Variants in ZAN observed in about 807,000 individuals in gnomAD.
The protein encoded by ZAN is zonadhesin (gene/pseudogene).
Under a neutral mutation model 286.2 loss-of-function variants are expected in ZAN, and 260 were observed. That is an observed-to-expected ratio of 0.91 (90% CI 0.82 to 1.01). The LOEUF is 1.01. Among genes scored for constraint, ZAN ranks in the 50% least tolerant of loss-of-function variants. ZAN has a pLI of 0.00. For synonymous variants in ZAN, 1,368 were observed against 1,417.5 expected (o/e 0.97, Z 0.79); for missense variants, 3,410 against 3,639.2 (o/e 0.94, Z 1.62).
Position 100,736,724 on chromosome 7 carries a change from G to A in ZAN, c.254-85G>A. On this transcript the variant is annotated intron_variant, in intron 4 of 47. Coordinates refer to ENST00000613979, the MANE Select transcript of ZAN (RefSeq NM_003386.3). ...GAGAGAAGGGAGGCAGCCAGACCTG[G>A]ATGCCTGGGCTCTGAGAAGGGGATG... is the stretch of plus-strand genomic sequence containing the variant. 5.4e-6 allele frequency: 8 copies of A among 1,470,474 alleles called. 2 individuals are homozygous for A. Among genetic ancestry groups the A allele is most frequent in the Non-Finnish European group, 7.4e-6 (8 of 1,081,872 alleles). 91.1% of individuals were successfully genotyped at this position (1,470,474 alleles called of 1,614,324 possible). A position where few individuals can be genotyped will look rare whatever the true frequency, so the allele number is the denominator to read the frequency against.
At position 100,765,483 on chromosome 7, in the gene ZAN, G is replaced by A. The variant is rs762234411; in HGVS notation, c.4399G>A (p.Val1467Ile). Reference protein sequence around the residue: ...VEACECNPGFVLSGLECIPRS... With the variant: ...VEACECNPGFILSGLECIPRS... The stretch of plus-strand genomic sequence containing the variant: ...GGCCTGTGAATGCAATCCGGGCTTC[G>A]TCCTCAGTGGCCTCGAGTGCATACC... The change falls in exon 23 of 48, where the codon GTC becomes ATC. Residue 1467 changes from valine to isoleucine, a missense_variant. Val to Ile is a conservative substitution (Grantham distance 29). Coordinates refer to ENST00000613979, the MANE Select transcript of ZAN (RefSeq NM_003386.3). 182 of 1,612,818 alleles carry A rather than the reference G, an allele frequency of 1.1e-4. No homozygotes were observed. Among genetic ancestry groups the A allele is most frequent in the Non-Finnish European group, 1.3e-4 (152 of 1,179,510 alleles).
Position 100,794,178 on chromosome 7 carries a change from G to A in ZAN, c.8045G>A (p.Arg2682Gln), listed in dbSNP as rs536353254. The change falls in exon 44 of 48, where the codon CGG becomes CAG. Residue 2682 changes from arginine (R) to glutamine (Q), a missense_variant. Around this residue, in one of 7 missense-constraint regions of ZAN, gnomAD observed 1,289 missense variants for 1,314.3 expected, o/e 0.98. Coordinates refer to ENST00000613979, the MANE Select transcript of ZAN (RefSeq NM_003386.3). ...CSQRCTCASS[R>Q]ILLCEPFSCR... ...CAGCGGTGCACCTGTGCCAGCTCAC[G>A]GATCCTGCTGTGTGAGCCCTTCAGC... 7.0e-5 allele frequency: 113 copies of A among 1,613,884 alleles called. No individual in the cohort carries two copies. Among genetic ancestry groups the A allele is most frequent in the Admixed American group, 5.5e-4 (33 of 59,998 alleles).
At chr7:100,766,816 G>A in intron 24 of ZAN, 150 bp downstream of exon 24, 1 of 1,420,878 alleles carries the variant, frequency 7.0e-7, no homozygotes, top group Non-Finnish European at 9.4e-7. Flanking sequence ...GGGACCCAAA[G>A]GGTGAGGTTG....
chr7:100,755,598 G>T (rs1013612282), intron 15 of ZAN, among the ~76,000 whole-genome samples, 188 bp downstream of exon 15: 4 of 152,124 alleles, frequency 2.6e-5, no homozygotes, highest in African/African-American at 9.7e-5. Context: ...TTGAGACAGG[G>T]TCTCGCTTTG....
At chr7:100,770,184 G>A (rs888210788) in intron 28 of ZAN, among the ~76,000 whole-genome samples, 1 of 151,902 alleles carries the variant, frequency 6.6e-6, no homozygotes, top group Non-Finnish European at 1.5e-5. Flanking sequence ...GATAAATCCG[G>A]GATTTCTTTT....
At chr7:100,769,294 G>A (rs314294) in intron 27 of ZAN, among the ~76,000 whole-genome samples, 9,709 of 151,174 alleles carry the variant, frequency 0.064, 429 homozygotes, top group Non-Finnish European at 0.098. Context: ...GCGCTTCTCC[G>A]TGTTGGCCAG....
At chr7:100,792,518 C>T (rs1391413379) in intron 42 of ZAN, 39 bp downstream of exon 42, 1 of 1,612,038 alleles carries the variant, frequency 6.2e-7, no homozygotes, top group Non-Finnish European at 8.5e-7. Flanking sequence ...GCTGCCCTGG[C>T]TGGCTGGCGG....
At chr7:100,788,560 A>C (rs951492436) in intron 38 of ZAN, among the ~76,000 whole-genome samples, 2 of 151,842 alleles carry the variant, frequency 1.3e-5, no homozygotes, top group African/African-American at 2.4e-5. Flanking sequence ...AAAATCAAAA[A>C]CAAATTCAGC....
chr7:100,784,520 C>T lies in ZAN; in HGVS notation c.6623-103C>T, dbSNP rs144530770. 1,096 of 1,173,508 alleles carry T rather than the reference C, an allele frequency of 9.3e-4. 8 individuals are homozygous for T. The East Asian group carries it at 0.022, about 24-fold the overall frequency. The allele number at this position is 1,173,508 out of a possible 1,614,324, so 72.7% of individuals were successfully genotyped here. A position where few individuals can be genotyped will look rare whatever the true frequency, so the allele number is the denominator to read the frequency against. Reference sequence around the variant, plus strand: ...TAACAAAAGAACAAAAAAAGCTCCCCAAGCCTTGTTGGTCATCCACCCATA... The same window carrying T: ...TAACAAAAGAACAAAAAAAGCTCCCTAAGCCTTGTTGGTCATCCACCCATA... On this transcript the variant is annotated intron_variant, in intron 35 of 47. Transcript: ENST00000613979.
chr7:100,795,433 T>G lies in ZAN; in HGVS notation c.8266+97T>G, dbSNP rs935482221. 12 of 1,218,392 alleles carry G rather than the reference T, an allele frequency of 9.8e-6. No individual in the cohort carries two copies. The Admixed American group carries it at 4.5e-4, about 45-fold the overall frequency. The allele number at this position is 1,218,392 out of a possible 1,614,324, so 75.5% of individuals were successfully genotyped here. ...TGTATTATATTCACATATAGAATGA[T>G]ATGTATTATAATATTATGTTACAGA... On this transcript the variant is annotated intron_variant, in intron 45 of 47. Transcript: ENST00000613979.
intron 28 of ZAN, among the ~76,000 whole-genome samples, chr7:100,771,464 A>T (rs1411795559): frequency 1.4e-5 from 2 of 140,388 alleles, no homozygotes; most frequent in East Asian, 4.3e-4. Context: ...CGGAGTCTTG[A>T]TCTGTTGCCC....
intron 38 of ZAN, 22 bp downstream of exon 38, chr7:100,788,158 G>C (rs1460407304): frequency 4.8e-6 from 7 of 1,458,830 alleles, no homozygotes; most frequent in Non-Finnish European, 5.5e-6. Flanking sequence ...GCCAGGGCCT[G>C]GTGGGTGTGG....
At chr7:100,788,167 G>A in intron 38 of ZAN, 31 bp downstream of exon 38, 2 of 1,447,148 alleles carry the variant, frequency 1.4e-6, no homozygotes, top group Non-Finnish European at 1.8e-6. Flanking sequence ...TGGTGGGTGT[G>A]GGGAGGCAGC....
intron 14 of ZAN, among the ~76,000 whole-genome samples, chr7:100,753,832 T>TAAAAAAA (rs59347418): frequency 1.4e-5 from 1 of 73,168 alleles, no homozygotes; most frequent in Non-Finnish European, 2.5e-5. Context: ...GACATCGTCC[T>TAAAAAAA]AAAAAAAAAA....
chr7:100,751,595 A>G, intron 13 of ZAN, 117 bp from the exon 14 acceptor site: 1 of 1,127,558 alleles, frequency 8.9e-7, no homozygotes, highest in Non-Finnish European at 1.2e-6. Context: ...GGGGTTTGGG[A>G]GTAGAAAGAG....
Position 100,767,105 on chromosome 7 carries a change from C to T in ZAN, c.4708C>T (p.Arg1570Trp), listed in dbSNP as rs747831815. The T allele has an allele frequency of 3.0e-5, 49 of 1,613,930 alleles. No individual in the cohort carries two copies. In the Middle Eastern group the frequency reaches 6.6e-4, roughly 22 times the overall value. ...GGGCACCTGCACCTATGTCCTGACC[C>T]GGCCTTGCTGGTCCAGGTCCCAAGA... ...FMGTCTYVLT[R>W]PCWSRSQDSY... Residue 1570 changes from arginine to tryptophan, a missense_variant, in exon 25 of 48, where the codon CGG becomes TGG. Coordinates refer to ENST00000613979, the MANE Select transcript of ZAN (RefSeq NM_003386.3).
At chr7:100,780,994 C>T (rs75409262) in intron 35 of ZAN, among the ~76,000 whole-genome samples, 2,534 of 152,122 alleles carry the variant, frequency 0.017, 26 homozygotes, top group Middle Eastern at 0.034. Context: ...TTTTGCCAAT[C>T]TGAGAATTGA....
At position 100,773,447 on chromosome 7, in the gene ZAN, C is replaced by G. The variant is rs556969322; in HGVS notation, c.5588C>G (p.Pro1863Arg). The G allele has an allele frequency of 6.2e-7, 1 of 1,613,950 alleles. No homozygotes were observed. Among genetic ancestry groups the G allele is most frequent in the African/African-American group, 1.3e-5 (1 of 75,056 alleles). Residue 1863 changes from proline to arginine, a missense_variant, in exon 30 of 48, where the codon CCC becomes CGC. By Grantham distance (103) the Pro-to-Arg change is moderately radical. Around this residue, in one of 7 missense-constraint regions of ZAN, gnomAD observed 1,289 missense variants for 1,314.3 expected, o/e 0.98. Transcript: ENST00000613979. Reference protein sequence around the residue: ...GHILSGTSCVPLGQCGCTDPA... With the variant: ...GHILSGTSCVRLGQCGCTDPA... ...ATCTTGAGTGGAACCTCCTGCGTGC[C>G]CCTTGGCCAGTGTGGCTGCACTGAC...
chr7:100,781,287 C>T (rs1009223112), intron 35 of ZAN, among the ~76,000 whole-genome samples: 3 of 152,004 alleles, frequency 2.0e-5, no homozygotes, highest in Non-Finnish European at 2.9e-5. Flanking sequence ...AGGTTGGTCT[C>T]GATCTCTTGA....
Sources: gnomAD v4.1 joint callset for allele counts (sites outside exome capture counted in the v4.1 genomes callset) on GRCh38, gnomAD v4.1.1 for gene constraint, gnomAD v4.1.1 regional missense constraint, MANE v1.5 for transcripts, NCBI Gene and HGNC (gene_info 2026-07-23, HGNC 2026-07-21) for gene names.